SCN4A: variants seen among roughly 807,000 people sequenced by gnomAD.
SCN4A encodes the protein sodium voltage-gated channel alpha subunit 4.
A neutral mutation model predicts 162.0 loss-of-function variants in SCN4A; 83 were observed. The ratio of observed to expected loss-of-function variants is 0.51; its 90% CI spans 0.43 to 0.61. The LOEUF is 0.61. Among genes scored for constraint, SCN4A ranks in the 20% least tolerant of loss-of-function variants. SCN4A has a pLI of 0.00. For synonymous variants in SCN4A, 944 were observed against 985.1 expected (o/e 0.96, Z 0.78); for missense variants, 2,196 against 2,462.5 (o/e 0.89, Z 2.29).
rs1908661972 is a variant in SCN4A at position 63,944,866 on chromosome 17, C to T, written c.3775-56G>A. ...GTTTGCACGCTGGCTTCTCCCTGCC[C>T]CCCACAGCCCTGAGGGCAGGACCCA... On this transcript the variant is annotated intron_variant, in intron 20 of 23. Transcript: ENST00000435607. The surrounding 1 kb of genome is among the most constrained non-coding windows in gnomAD (Gnocchi z 4.3). The T allele has an allele frequency of 4.4e-6, 7 of 1,603,964 alleles. No homozygotes were observed. The Admixed American group carries it at 8.6e-5, about 20-fold the overall frequency.
At chr17:63,961,685 C>T (rs1460504150) in intron 10 of SCN4A, 2 of 519,696 alleles carry the variant, frequency 3.8e-6, no homozygotes, top group East Asian at 3.2e-5. Context: ...GCTCCACCGC[C>T]TCAGTGAGCA....
Position 63,966,551 on chromosome 17 carries a change from G to T in SCN4A, c.1037-7C>A, listed in dbSNP as rs773625903. Reference sequence around the variant, plus strand: ...TCCAGGAAGTAGAAGTTCCCTTTGGGAGTCAGAGGCCACAAAGGAGGCAAG... The same window carrying T: ...TCCAGGAAGTAGAAGTTCCCTTTGGTAGTCAGAGGCCACAAAGGAGGCAAG... On this transcript the variant is annotated splice_region_variant and splice_polypyrimidine_tract_variant and intron_variant, in intron 6 of 23. Coordinates refer to ENST00000435607, the MANE Select transcript of SCN4A (RefSeq NM_000334.4). The T allele has an allele frequency of 1.2e-6, 2 of 1,612,928 alleles. No individual in the cohort carries two copies. The highest frequency in any genetic ancestry group is 1.3e-5 in the African/African-American group (1 of 74,926).
At chr17:63,966,604 C>T in intron 6 of SCN4A, 60 bp from the exon 7 acceptor site, 1 of 1,311,900 alleles carries the variant, frequency 7.6e-7, no homozygotes, top group African/African-American at 1.4e-5. Flanking sequence ...GTGTGAGCAC[C>T]TGCGCCCATT....
chr17:63,951,382 G>T lies in SCN4A; in HGVS notation c.2853+42C>A. The T allele has an allele frequency of 7.1e-7, 1 of 1,401,020 alleles. No individual in the cohort carries two copies. The highest frequency in any genetic ancestry group is 9.7e-7 in the Non-Finnish European group (1 of 1,026,424). The allele number at this position is 1,401,020 out of a possible 1,614,324, so 86.8% of individuals were successfully genotyped here. A position where few individuals can be genotyped will look rare whatever the true frequency, so the allele number is the denominator to read the frequency against. On this transcript the variant is annotated intron_variant, in intron 14 of 23. Transcript: ENST00000435607. The surrounding 1 kb of genome is among the most constrained non-coding windows in gnomAD (Gnocchi z 4.5). ...TTAGGGCTTGCTCCAGGTCACAGGA[G>T]AATTTGAAGCCGGGTCTGTCTGAGC...
chr17:63,972,157 G>A lies in SCN4A; in HGVS notation c.461C>T (p.Pro154Leu), dbSNP rs2144814296. The A allele has an allele frequency of 6.2e-7, 1 of 1,613,256 alleles. No individual in the cohort carries two copies. Among genetic ancestry groups the A allele is most frequent in the Non-Finnish European group, 8.5e-7 (1 of 1,179,484 alleles). Residue 154 changes from proline to leucine, a missense_variant, in exon 3 of 24, where the codon CCT becomes CTT. Transcript: ENST00000435607. This position sits in a 1 kb window ranked among gnomAD's most constrained non-coding sequence, Gnocchi z 4.3. ...NCVFMTMSDP[P>L]PWSKNVEYTF... ...TTACTCCACATTCTTGGACCAGGGA[G>A]GCGGGTCACTCATGGTCATGAATAC...
In SCN4A at chr17:63,940,549, A is replaced by G. The variant is rs1353164656; in HGVS notation, c.*222T>C. Reference sequence around the variant, plus strand: ...TAAATCTTGGAGGCAGGGGCCTCAGACCCAGCATGGAGCCCCTGAGCGCAA... The same window carrying G: ...TAAATCTTGGAGGCAGGGGCCTCAGGCCCAGCATGGAGCCCCTGAGCGCAA... On this transcript the variant is annotated 3_prime_UTR_variant, in exon 24 of 24. Coordinates refer to ENST00000435607, the MANE Select transcript of SCN4A (RefSeq NM_000334.4). The G allele has an allele frequency of 4.0e-6, 2 of 500,722 alleles. No homozygotes were observed. Among genetic ancestry groups the G allele is most frequent in the Non-Finnish European group, 6.9e-6 (2 of 291,320 alleles). 31.0% of individuals were successfully genotyped at this position (500,722 alleles called of 1,614,324 possible).
intron 13 of SCN4A, among the ~76,000 whole-genome samples, chr17:63,956,155 C>A (rs1361165917): frequency 6.6e-6 from 1 of 152,280 alleles, no homozygotes; most frequent in East Asian, 1.9e-4. Flanking sequence ...TCTGCACCAG[C>A]CCCTCATGCC....
intron 5 of SCN4A, 133 bp from the exon 6 acceptor site, chr17:63,968,488 G>A (rs1345040978): frequency 1.2e-5 from 8 of 673,588 alleles, no homozygotes; most frequent in South Asian, 2.0e-5. Flanking sequence ...CTACTTCCCC[G>A]AAGCCTTCTG....
At position 63,941,932 on chromosome 17, in the gene SCN4A, G is replaced by A. The variant is rs1304901158; in HGVS notation, c.4350C>T (p.Ile1450=). 2.1e-5 allele frequency: 33 copies of A among 1,608,808 alleles called. No individual in the cohort carries two copies. The highest frequency in any genetic ancestry group is 2.3e-5 in the Non-Finnish European group (27 of 1,175,850). ...GGACACGCCCAATCCGCGCCAGGCGGATCACACGGAACAGCGTGGGTGACA... is the reference window on the plus strand; with the variant it reads ...GGACACGCCCAATCCGCGCCAGGCGAATCACACGGAACAGCGTGGGTGACA... ...YFVSPTLFRV[I]RLARIGRVLR... is the part of the protein sequence containing the mutation. The change falls in exon 24 of 24, where the codon ATC becomes ATT. Residue 1450 remains isoleucine (I), a synonymous_variant. Coordinates refer to ENST00000435607, the MANE Select transcript of SCN4A (RefSeq NM_000334.4). This position sits in a 1 kb window ranked among gnomAD's most constrained non-coding sequence, Gnocchi z 6.2.
rs1908752324 is a variant in SCN4A, at chr17:63,947,164, A to T, written c.3322T>A (p.Ser1108Thr). 7 of 1,613,282 alleles carry T rather than the reference A, an allele frequency of 4.3e-6. No individual in the cohort carries two copies. In the East Asian group the frequency reaches 6.7e-5, roughly 15 times the overall value. Residue 1108 changes from serine (S) to threonine (T), a missense_variant, in exon 18 of 24, where the codon TCC (serine) becomes ACC (threonine). Physicochemically the swap from Ser to Thr is moderately conservative, Grantham distance 58. Coordinates refer to ENST00000435607, the MANE Select transcript of SCN4A (RefSeq NM_000334.4). ...CAGTTGGCCACCAAGCTGATGATGG[A>T]GACCTGCAGGGGAGGGGTGAGGGGA... ...CWLDFLIVDV[S>T]IISLVANWLG...
chr17:63,946,895 G>A, intron 18 of SCN4A, 150 bp downstream of exon 18: 3 of 739,780 alleles, frequency 4.1e-6, no homozygotes, highest in Non-Finnish European at 6.5e-6. Context: ...GGGAGGTGGG[G>A]GCCAGACCTG....
At position 63,968,103 on chromosome 17, in the gene SCN4A, T is replaced by A. The variant is rs757691952; in HGVS notation, c.956A>T (p.Tyr319Phe). 2 of 1,613,944 alleles carry A rather than the reference T, an allele frequency of 1.2e-6. No homozygotes were observed. The highest frequency in any genetic ancestry group is 4.5e-5 in the East Asian group (2 of 44,876). ...NEMWYGNDSW[Y>F]ANDTWNSHAS... ...ATGGCTGTTCCACGTGTCGTTGGCA[T>A]ACCATGAGTCATTGCCGTACCACAT... Residue 319 changes from tyrosine (Y) to phenylalanine (F), a missense_variant, in exon 6 of 24, where the codon TAT becomes TTT. Transcript: ENST00000435607.
intron 15 of SCN4A, 136 bp from the exon 16 acceptor site, chr17:63,948,901 C>T (rs549083546): frequency 4.2e-6 from 3 of 719,674 alleles, no homozygotes; most frequent in Non-Finnish European, 6.6e-6. Context: ...CCCACCTCCT[C>T]CCTCACCCAG....
Position 63,941,509 on chromosome 17 carries a change from G to A in SCN4A, c.4773C>T (p.Asn1591=), listed in dbSNP as rs1489432620. The A allele has an allele frequency of 6.2e-7, 1 of 1,614,190 alleles. No homozygotes were observed. Among genetic ancestry groups the A allele is most frequent in the Non-Finnish European group, 8.5e-7 (1 of 1,180,040 alleles). Residue 1591 remains asparagine, a synonymous_variant, in exon 24 of 24, where the codon AAC becomes AAT. Coordinates refer to ENST00000435607, the MANE Select transcript of SCN4A (RefSeq NM_000334.4). The surrounding 1 kb of genome is among the most constrained non-coding windows in gnomAD (Gnocchi z 6.2). ...YIIISFLIVV[N]MYIAIILENF... is the part of the protein sequence containing the mutation. ...TCTCCAGGATGATGGCGATGTACAT[G>A]TTGACCACGATGAGGAAGGAGATGA...
chr17:63,970,448 C>T (rs926960640), intron 5 of SCN4A, among the ~76,000 whole-genome samples: 1 of 152,150 alleles, frequency 6.6e-6, no homozygotes, highest in Non-Finnish European at 1.5e-5. Flanking sequence ...TGAACCCAGG[C>T]AGTCAGGCTC....
Position 63,940,325 on chromosome 17 carries a change from G to A in SCN4A, c.*446C>T, listed in dbSNP as rs1157002372. ...CCCTGAGGTTAAGACATCTTTGTCT[G>A]GGCTGGGGCTGAGGGGTCTGAGCCA... On this transcript the variant is annotated 3_prime_UTR_variant, in exon 24 of 24. Coordinates refer to ENST00000435607, the MANE Select transcript of SCN4A (RefSeq NM_000334.4). The A allele has an allele frequency of 6.1e-6, 1 of 165,020 alleles. No homozygotes were observed. Among genetic ancestry groups the A allele is most frequent in the Non-Finnish European group, 1.3e-5 (1 of 77,418 alleles). 10.2% of individuals were successfully genotyped at this position (165,020 alleles called of 1,614,324 possible).
Position 63,949,424 on chromosome 17 carries a change from C to A in SCN4A, c.2958G>T (p.Glu986Asp), listed in dbSNP as rs372555830. 6.3e-7 allele frequency: 1 copy of A among 1,595,622 alleles called. No homozygotes were observed. Among genetic ancestry groups the A allele is most frequent in the East Asian group, 2.3e-5 (1 of 44,078 alleles). Residue 986 changes from glutamate to aspartate, a missense_variant, in exon 15 of 24, where the codon GAG (glutamate) becomes GAT (aspartate). Glu to Asp is a conservative substitution (Grantham distance 45, BLOSUM62 2). Coordinates refer to ENST00000435607, the MANE Select transcript of SCN4A (RefSeq NM_000334.4). ...TGAAGCACTCCTCAGGCTGCTCCCCCTCGGGGTTCTCCTCTGCCTGCTCCT... is the reference window on the plus strand; with the variant it reads ...TGAAGCACTCCTCAGGCTGCTCCCCATCGGGGTTCTCCTCTGCCTGCTCCT... Reference protein sequence around the residue: ...DPEEQAEENPEGEQPEECFTE... With the variant: ...DPEEQAEENPDGEQPEECFTE...
intron 6 of SCN4A, 88 bp downstream of exon 6, chr17:63,967,933 CAA>C (rs11418006): frequency 5.3e-3 from 4,668 of 881,162 alleles, no homozygotes; most frequent in African/African-American, 6.2e-3. Context: ...GACTCCATCT[CAA>C]AAAAAAAAAA....
rs774760877 is a variant in SCN4A, at chr17:63,961,316, G to A, written c.1722C>T (p.Ile574=). 5.0e-6 allele frequency: 8 copies of A among 1,613,828 alleles called. No homozygotes were observed. Among genetic ancestry groups the A allele is most frequent in the Non-Finnish European group, 6.8e-6 (8 of 1,179,804 alleles). The change falls in exon 11 of 24, where the codon ATC becomes ATT. Residue 574 remains isoleucine (I), a synonymous_variant. Transcript: ENST00000435607. ...CCAGGTCCACGAACGGGTCCATGAC[G>A]ATCAGGTGGATGATGTTCTTGAACT... ...WLKFKNIIHL[I]VMDPFVDLGI...
Sources: gnomAD v4.1 joint callset for allele counts (sites outside exome capture counted in the v4.1 genomes callset) on GRCh38, gnomAD v4.1.1 for gene constraint, Gnocchi (gnomAD v3.1) non-coding constraint, MANE v1.5 for transcripts, NCBI Gene and HGNC (gene_info 2026-07-23, HGNC 2026-07-21) for gene names.